NUTM2E: variants seen among roughly 807,000 people sequenced by gnomAD.
NUTM2E encodes the protein NUT family member 2E.
NUTM2E carries 3 observed loss-of-function variants against 26.1 expected under a neutral mutation model. The ratio of observed to expected loss-of-function variants is 0.12; its 90% CI spans 0.05 to 0.30. The LOEUF is 0.30. Among genes scored for constraint, NUTM2E ranks in the 10% least tolerant of loss-of-function variants. The pLI is 1.00. For missense variants in NUTM2E, 62 were observed against 381.3 expected (o/e 0.16, Z 6.97); for synonymous variants, 13 against 157.5 (o/e 0.08, Z 6.87).
At chr10:79,827,795 G>GTTTTTTTTTTTTTTTTTTTTTTTTT (rs57414762) in intron 1 of NUTM2E, among the ~76,000 whole-genome samples, 1 of 127,738 alleles carries the variant, frequency 7.8e-6, no homozygotes. Context: ...TTTTTTTTTT[G>GTTTTTTTTTTTTTTTTTTTTTTTTT]TTTTTTTTTT....
chr10:79,828,090 C>T (rs1289905678), intron 1 of NUTM2E, among the ~76,000 whole-genome samples: 2 of 151,442 alleles, frequency 1.3e-5, no homozygotes, highest in African/African-American at 4.8e-5. Flanking sequence ...CCACCGTGCC[C>T]GGCCGACAGG....
intron 1 of NUTM2E, among the ~76,000 whole-genome samples, chr10:79,834,773 A>G (rs2478669): frequency 0.88 from 130,700 of 148,666 alleles, 58,076 homozygotes; most frequent in Non-Finnish European, 0.95. Context: ...AAAAGATTGA[A>G]ACTTTATGTT....
intron 1 of NUTM2E, among the ~76,000 whole-genome samples, chr10:79,829,817 G>A (rs1400499490): frequency 6.6e-6 from 1 of 151,396 alleles, no homozygotes; most frequent in Non-Finnish European, 1.5e-5. Context: ...AAGCACCAAT[G>A]GCCTTGAAAA....
At chr10:79,834,863 CTT>C (rs1841951807) in intron 1 of NUTM2E, among the ~76,000 whole-genome samples, 1 of 151,000 alleles carries the variant, frequency 6.6e-6, no homozygotes, top group Admixed American at 6.6e-5. Flanking sequence ...AACTAAAGAA[CTT>C]TTTCTGTTAT....
chr10:79,834,532 C>T (rs1327531274), intron 1 of NUTM2E, among the ~76,000 whole-genome samples: 2 of 151,022 alleles, frequency 1.3e-5, no homozygotes, highest in African/African-American at 4.9e-5. Context: ...GAAACCCCGT[C>T]TCTACTAAAA....
In NUTM2E at chr10:79,833,327, T is replaced by C. The variant is rs547075245; in HGVS notation, c.-2727-4982T>C. On this transcript the variant is annotated intron_variant, in intron 1 of 9. Coordinates refer to ENST00000429984, the MANE Select transcript of NUTM2E (RefSeq NM_001355263.2). ...CATCAGAACATACTCACTCCGATATTGGACCTGTTGCTGGTTAGAAATGTC... is the reference window on the plus strand; with the variant it reads ...CATCAGAACATACTCACTCCGATATCGGACCTGTTGCTGGTTAGAAATGTC... 3.9e-3 allele frequency among the ~76,000 whole-genome samples: 587 copies of C among 151,494 alleles called. 6 individuals are homozygous for C. Among genetic ancestry groups the C allele is most frequent in the Non-Finnish European group, 6.4e-3 (433 of 67,788 alleles).
rs559830530 is a variant in NUTM2E at position 79,840,610 on chromosome 10, CCA to C, written c.-1129_-1128del. Among the ~76,000 whole-genome samples, 262 of 149,404 alleles carry C rather than the reference CCA, an allele frequency of 1.8e-3. No homozygotes were observed. Among genetic ancestry groups the C allele is most frequent in the African/African-American group, 5.8e-3 (236 of 40,536 alleles). ...GAACCCTGGGCTTGAGACTTGCAAT[CCA>C]CCACTTGCCCCTGCCCCTGCCCCTG... On this transcript the variant is annotated 5_prime_UTR_variant, in exon 4 of 10. The change creates a premature stop within an existing upstream ORF in the 5' untranslated region. Transcript: ENST00000429984.
rs1243561257 is a variant in NUTM2E at position 79,838,409 on chromosome 10, G to C, written c.-2627G>C. Among the ~76,000 whole-genome samples the C allele has an allele frequency of 7.0e-6, 1 of 142,910 alleles. No individual in the cohort carries two copies. Among genetic ancestry groups the C allele is most frequent in the Non-Finnish European group, 1.5e-5 (1 of 65,256 alleles). 93.8% of individuals were successfully genotyped at this position (142,910 alleles called of 152,430 possible). A position where few individuals can be genotyped will look rare whatever the true frequency, so the allele number is the denominator to read the frequency against. ...CACAACTTACTCAATGAGGTCGTCC[G>C]TGAGAACTTCACTGTTTTACGAGGA... On this transcript the variant is annotated 5_prime_UTR_variant, in exon 2 of 10. Coordinates refer to ENST00000429984, the MANE Select transcript of NUTM2E (RefSeq NM_001355263.2).
chr10:79,833,312 T>TA (rs2132414250), intron 1 of NUTM2E, among the ~76,000 whole-genome samples: 1 of 151,664 alleles, frequency 6.6e-6, no homozygotes, highest in Non-Finnish European at 1.5e-5. Context: ...CATCAGAACA[T>TA]ACTCACTCCG....
In NUTM2E at chr10:79,826,987, C is replaced by T. The variant is rs553425756; in HGVS notation, c.-3098C>T. The T allele has an allele frequency of 5.2e-4, 61 of 116,322 alleles. 1 individual carries two copies. Among genetic ancestry groups the T allele is most frequent in the African/African-American group, 1.8e-3 (58 of 32,638 alleles). The allele number at this position is 116,322 out of a possible 1,614,324, so 7.2% of individuals were successfully genotyped here. On this transcript the variant is annotated 5_prime_UTR_variant, in exon 1 of 10. Transcript: ENST00000429984. ...GCATTGAGCTGCCAGCGGCTGTTCT[C>T]CCTAAGCACCCTCGCTCACGTCGCC...
chr10:79,836,109 G>A (rs911963848), intron 1 of NUTM2E, among the ~76,000 whole-genome samples: 5 of 151,064 alleles, frequency 3.3e-5, no homozygotes, highest in Admixed American at 1.3e-4. Flanking sequence ...GCTCTCTTGC[G>A]CAAGTGGAGA....
chr10:79,833,568 C>T (rs1404817992), intron 1 of NUTM2E, among the ~76,000 whole-genome samples: 1 of 151,642 alleles, frequency 6.6e-6, no homozygotes, highest in East Asian at 1.9e-4. Context: ...AGACACTTTT[C>T]AAAAGAAGGC....
intron 1 of NUTM2E, among the ~76,000 whole-genome samples, chr10:79,831,102 ATAGTGCATT>A (rs1422830418): frequency 1.3e-5 from 2 of 151,786 alleles, no homozygotes; most frequent in African/African-American, 2.4e-5. Context: ...GAGCCTCCAA[ATAGTGCATT>A]TAAACTCAAT....
Position 79,839,062 on chromosome 10 carries a change from A to G in NUTM2E, c.-2167A>G, listed in dbSNP as rs10885540. The stretch of plus-strand genomic sequence containing the variant: ...ACAACGCCCCCTCATTGGAACCTCC[A>G]TGACCGTGCCTCTGAGAAACCAGCG... On this transcript the variant is annotated 5_prime_UTR_variant, in exon 3 of 10. The change abolishes an upstream ATG in the 5' untranslated region. Coordinates refer to ENST00000429984, the MANE Select transcript of NUTM2E (RefSeq NM_001355263.2). Among the ~76,000 whole-genome samples the G allele has an allele frequency of 0.87, 129,945 of 148,654 alleles. 57,392 individuals are homozygous for G. The highest frequency in any genetic ancestry group is 0.95 in the Non-Finnish European group (63,546 of 67,128).
intron 1 of NUTM2E, among the ~76,000 whole-genome samples, chr10:79,830,644 C>A (rs1841921763): frequency 6.6e-6 from 1 of 150,956 alleles, no homozygotes; most frequent in Admixed American, 6.6e-5. Context: ...GGCCTTTAAG[C>A]TGACAATATA....
chr10:79,836,929 A>G (rs553905131), intron 1 of NUTM2E, among the ~76,000 whole-genome samples: 42 of 152,096 alleles, frequency 2.8e-4, no homozygotes, highest in Non-Finnish European at 5.0e-4. Flanking sequence ...TCCCACCTGC[A>G]AGAAAAAATG....
Position 79,849,835 on chromosome 10 carries a change from C to T in NUTM2E, c.1866C>T (p.Arg622=), listed in dbSNP as rs1212261772. 4 of 707,484 alleles carry T rather than the reference C, an allele frequency of 5.7e-6. 1 individual carries two copies. Among genetic ancestry groups the T allele is most frequent in the Non-Finnish European group, 2.2e-6 (1 of 457,438 alleles). 43.8% of individuals were successfully genotyped at this position (707,484 alleles called of 1,614,324 possible). A position where few individuals can be genotyped will look rare whatever the true frequency, so the allele number is the denominator to read the frequency against. The stretch of plus-strand genomic sequence containing the variant: ...TCCTCCCGCAGCTAGTGGAGAAGCG[C>T]CTCCCACCCTTGAAGGAGAAACAGC... ...GLTLAQLVEK[R]LPPLKEKQHS... The change falls in exon 10 of 10, where the codon CGC becomes CGT. Residue 622 remains arginine, a synonymous_variant. Transcript: ENST00000429984.
At chr10:79,834,070 A>G (rs1156494418) in intron 1 of NUTM2E, among the ~76,000 whole-genome samples, 1 of 151,780 alleles carries the variant, frequency 6.6e-6, no homozygotes, top group African/African-American at 2.4e-5. Context: ...AGGGATGTGG[A>G]TGAAGCTGGA....
intron 2 of NUTM2E, among the ~76,000 whole-genome samples, 94 bp downstream of exon 2, chr10:79,838,680 G>C (rs1179091645): frequency 4.0e-5 from 6 of 151,766 alleles, no homozygotes; most frequent in Non-Finnish European, 8.8e-5. Flanking sequence ...CCACAGGCCT[G>C]CTCTGGTCAC....
Sources: allele counts gnomAD v4.1 joint callset (sites outside exome capture counted in the v4.1 genomes callset), GRCh38; gene constraint gnomAD v4.1.1; transcripts MANE v1.5; gene names NCBI Gene and HGNC (gene_info 2026-07-23, HGNC 2026-07-21).